Variants in AACS observed in about 807,000 individuals in gnomAD.
AACS encodes the protein acetoacetate-CoA ligase.
In AACS, 69 loss-of-function variants were observed where a neutral mutation model predicts 83.1. The observed-to-expected ratio is 0.83, with a 90% CI of 0.68 to 1.01. The LOEUF (loss-of-function observed/expected upper bound fraction) is 1.01, where lower values mean the gene tolerates loss of function less well. Among genes scored for constraint, AACS ranks in the 50% least tolerant of loss-of-function variants. The probability of loss-of-function intolerance (pLI) is 0.00; values close to 1 mark genes in which losing one functional copy is unlikely to be tolerated. For missense variants in AACS, 866 were observed against 882.2 expected, an observed-to-expected ratio of 0.98 and a Z score of 0.23; for synonymous variants, 333 against 343.4, an observed-to-expected ratio of 0.97 and a Z score of 0.33.
chr12:125,071,292 C>T (rs1432815063), intron 1 of AACS, among the ~76,000 whole-genome samples: 1 of 152,158 alleles, frequency 6.6e-6, no homozygotes, highest in Non-Finnish European at 1.5e-5. Context: ...TGGCCACTTC[C>T]ACAATACCCT....
At chr12:125,071,879 CAG>C (rs3048262) in intron 1 of AACS, among the ~76,000 whole-genome samples, 26,967 of 152,014 alleles carry the variant, frequency 0.18, 2,636 homozygotes, top group East Asian at 0.24. Flanking sequence ...TTGTTGTTGA[CAG>C]AGTTTCGCTC....
chr12:125,067,331 G>C (rs1288411814), intron 1 of AACS, among the ~76,000 whole-genome samples: 1 of 152,202 alleles, frequency 6.6e-6, no homozygotes, highest in Non-Finnish European at 1.5e-5. Context: ...AGAAGCAGGA[G>C]GCTGCCATGT....
Position 125,114,506 on chromosome 12 carries a change from C to T in AACS, c.945C>T (p.His315=), listed in dbSNP as rs1297017120. Residue 315 remains histidine (H), a synonymous_variant, in exon 9 of 18, where the codon CAC becomes CAT. Transcript: ENST00000316519. ...CCCTCATCCAGCATCTGAAGGAGCACCTGCTGCACGGCAACATGACCAGCA... is the reference window on the plus strand; with the variant it reads ...CCCTCATCCAGCATCTGAAGGAGCATCTGCTGCACGGCAACATGACCAGCA... ...GGTLIQHLKE[H]LLHGNMTSSD... The T allele has an allele frequency of 1.9e-6, 3 of 1,613,450 alleles. No homozygotes were observed. Among genetic ancestry groups the T allele is most frequent in the South Asian group, 2.2e-5 (2 of 91,052 alleles).
intron 8 of AACS, among the ~76,000 whole-genome samples, chr12:125,112,516 T>C (rs542172302): frequency 1.6e-4 from 25 of 151,900 alleles, no homozygotes; most frequent in African/African-American, 5.8e-4. Flanking sequence ...CTGTCTCTCC[T>C]GAAACTAAAA....
At chr12:125,078,301 A>T in intron 3 of AACS, 1 of 456,028 alleles carries the variant, frequency 2.2e-6, no homozygotes, top group Non-Finnish European at 4.4e-6. Flanking sequence ...TTCAAAGCCC[A>T]TGGGCACTTC....
Position 125,142,469 on chromosome 12 carries a change from CTG to C in AACS, c.*243_*244del. 2 of 553,000 alleles carry C rather than the reference CTG, an allele frequency of 3.6e-6. No homozygotes were observed. The highest frequency in any genetic ancestry group is 6.4e-6 in the Non-Finnish European group (2 of 313,118). The allele number at this position is 553,000 out of a possible 1,614,324, so 34.3% of individuals were successfully genotyped here. ...GAGTGTCTGGGCCGCAGGTGTGGCA[CTG>C]TGGTGAGAGTGTGTGTCTTTGCACA... On this transcript the variant is annotated 3_prime_UTR_variant, in exon 18 of 18. Coordinates refer to ENST00000316519, the MANE Select transcript of AACS (RefSeq NM_023928.5).
At chr12:125,101,901 G>A (rs1198178501) in intron 5 of AACS, 2 of 151,376 alleles carry the variant, frequency 1.3e-5, no homozygotes, top group Non-Finnish European at 2.9e-5. Context: ...CGAGTAGCTG[G>A]GACTACAGGC....
chr12:125,087,341 T>C (rs930875181), intron 4 of AACS, among the ~76,000 whole-genome samples: 1 of 152,242 alleles, frequency 6.6e-6, no homozygotes, highest in Admixed American at 6.5e-5. Flanking sequence ...CACGAAGAAC[T>C]GCTTAGGTAT....
intron 7 of AACS, 40 bp downstream of exon 7, chr12:125,103,121 C>T: frequency 3.2e-6 from 5 of 1,554,604 alleles, no homozygotes; most frequent in Non-Finnish European, 4.4e-6. Context: ...CGTGTGGACC[C>T]ACTGGAGCTC....
chr12:125,137,747 A>AGT (rs1181180476), intron 17 of AACS, among the ~76,000 whole-genome samples: 1 of 152,016 alleles, frequency 6.6e-6, no homozygotes, highest in South Asian at 2.1e-4. Flanking sequence ...TGTGTGTGTG[A>AGT]GTGTGTGTGT....
In AACS at chr12:125,129,856, C is replaced by A. The variant is rs1031604384; in HGVS notation, c.1549+396C>A. Among the ~76,000 whole-genome samples the A allele has an allele frequency of 1.2e-4, 19 of 152,126 alleles. No individual in the cohort carries two copies. Among genetic ancestry groups the A allele is most frequent in the Admixed American group, 1.1e-3 (17 of 15,278 alleles). ...AGTGGCGTCTGGCTCGGGTCTCTTCCTTCGTGTCTCTCACCATCATCCAGT... is the reference window on the plus strand; with the variant it reads ...AGTGGCGTCTGGCTCGGGTCTCTTCATTCGTGTCTCTCACCATCATCCAGT... On this transcript the variant is annotated intron_variant, in intron 14 of 17. Coordinates refer to ENST00000316519, the MANE Select transcript of AACS (RefSeq NM_023928.5). This position sits in a 1 kb window ranked among gnomAD's most constrained non-coding sequence, Gnocchi z 4.3.
At chr12:125,124,843 G>T (rs1006458609) in intron 11 of AACS, 59 bp from the exon 12 acceptor site, 1 of 1,613,946 alleles carries the variant, frequency 6.2e-7, no homozygotes, top group East Asian at 2.2e-5. Flanking sequence ...TTTCCTGCTT[G>T]CGAGTGAGGC....
At position 125,128,267 on chromosome 12, in the gene AACS, C is replaced by A; in HGVS notation, c.1416C>A (p.Asn472Lys). ...TGGGCATGGCCGTGGAAGCGTGGAA[C>A]GAGGAAGGTGATGGCTCCACCAACT... ...RNLGMAVEAW[N>K]EEGKAVWGES... Residue 472 changes from asparagine to lysine, a missense_variant, in exon 13 of 18, where the codon AAC becomes AAA. By Grantham distance (94) the Asn-to-Lys change is moderately conservative. Transcript: ENST00000316519. The A allele has an allele frequency of 6.2e-7, 1 of 1,610,788 alleles. No individual in the cohort carries two copies. Among genetic ancestry groups the A allele is most frequent in the Non-Finnish European group, 8.5e-7 (1 of 1,177,798 alleles).
intron 3 of AACS, among the ~76,000 whole-genome samples, chr12:125,081,576 C>T (rs1046003900): frequency 2.0e-5 from 3 of 152,168 alleles, no homozygotes; most frequent in Non-Finnish European, 4.4e-5. Flanking sequence ...GGGTAATCCC[C>T]GTCGAGGCCA....
At chr12:125,071,983 A>G (rs1283462015) in intron 1 of AACS, among the ~76,000 whole-genome samples, 1 of 151,112 alleles carries the variant, frequency 6.6e-6, no homozygotes, top group Non-Finnish European at 1.5e-5. Flanking sequence ...TCAGCCTGCC[A>G]GGTAGCTGGG....
At chr12:125,078,526 A>AACCCAG (rs1253490711) in intron 3 of AACS, among the ~76,000 whole-genome samples, 2 of 152,144 alleles carry the variant, frequency 1.3e-5, no homozygotes, top group Non-Finnish European at 2.9e-5. Context: ...ATCTGTATTA[A>AACCCAG]ATGCCTCATT....
At chr12:125,080,476 C>G (rs1398624039) in intron 3 of AACS, among the ~76,000 whole-genome samples, 1 of 151,414 alleles carries the variant, frequency 6.6e-6, no homozygotes. Flanking sequence ...GGGTGTCTCT[C>G]TCTCTCTCTC....
At chr12:125,088,307 A>G (rs1039080691) in intron 4 of AACS, among the ~76,000 whole-genome samples, 2 of 150,750 alleles carry the variant, frequency 1.3e-5, no homozygotes, top group Non-Finnish European at 2.9e-5. Flanking sequence ...TCATGGCTCA[A>G]CTGCAGCCTC....
At chr12:125,066,234 A>C (rs962193790) in intron 1 of AACS, among the ~76,000 whole-genome samples, 1 of 151,892 alleles carries the variant, frequency 6.6e-6, no homozygotes. Flanking sequence ...GGCCCTGTCC[A>C]CGTGTCTACA....
Sources: allele counts gnomAD v4.1 joint callset (sites outside exome capture counted in the v4.1 genomes callset), GRCh38; gene constraint gnomAD v4.1.1; non-coding constraint Gnocchi (gnomAD v3.1); transcripts MANE v1.5; gene names NCBI Gene and HGNC (gene_info 2026-07-23, HGNC 2026-07-21).